ARHGAP42: variants seen among roughly 807,000 people sequenced by gnomAD.
ARHGAP42 encodes the protein rho GTPase-activating protein 42.
A neutral mutation model predicts 125.0 loss-of-function variants in ARHGAP42; 63 were observed. The ratio of observed to expected loss-of-function variants is 0.50; its 90% CI spans 0.41 to 0.62. The LOEUF is 0.62. Ranked by LOEUF, ARHGAP42 falls within the 20% of genes least tolerant of loss-of-function variation. ARHGAP42 has a pLI of 0.00. For missense variants in ARHGAP42, 766 were observed against 1,024.2 expected (o/e 0.75, Z 3.44); for synonymous variants, 339 against 351.0 (o/e 0.97, Z 0.38).
intron 10 of ARHGAP42, among the ~76,000 whole-genome samples, chr11:100,947,715 C>T (rs999911368): frequency 6.6e-6 from 1 of 151,724 alleles, no homozygotes; most frequent in Non-Finnish European, 1.5e-5. Context: ...TTTGTCATTC[C>T]AGGTTTTTAA....
At chr11:100,949,999 A>T in intron 12 of ARHGAP42, 43 bp downstream of exon 12, 1 of 1,195,090 alleles carries the variant, frequency 8.4e-7, no homozygotes, top group Non-Finnish European at 1.2e-6. Flanking sequence ...TCATGAAGTT[A>T]TTTTTAACAC....
intron 4 of ARHGAP42, among the ~76,000 whole-genome samples, chr11:100,864,832 A>C (rs1036031453): frequency 6.6e-6 from 1 of 152,204 alleles, no homozygotes; most frequent in African/African-American, 2.4e-5. Context: ...CCTTGAACCA[A>C]GCATAGTTAA....
In ARHGAP42 at chr11:100,993,460, G is replaced by A. The variant is rs1161177403; in HGVS notation, c.*4659G>A. The A allele has an allele frequency of 6.0e-6, 1 of 166,948 alleles. No homozygotes were observed. Among genetic ancestry groups the A allele is most frequent in the Non-Finnish European group, 1.5e-5 (1 of 68,102 alleles). The allele number at this position is 166,948 out of a possible 1,614,324, so 10.3% of individuals were successfully genotyped here. A position where few individuals can be genotyped will look rare whatever the true frequency, so the allele number is the denominator to read the frequency against. ...CCACAGGAACTGGTCTAAGAACACTGTCTGCACATGATTGATGCTTAAAAT... is the reference window on the plus strand; with the variant it reads ...CCACAGGAACTGGTCTAAGAACACTATCTGCACATGATTGATGCTTAAAAT... On this transcript the variant is annotated 3_prime_UTR_variant, in exon 24 of 24. Coordinates refer to ENST00000298815, the MANE Select transcript of ARHGAP42 (RefSeq NM_152432.4).
intron 1 of ARHGAP42, among the ~76,000 whole-genome samples, chr11:100,751,277 G>GCTTTTTTTTTTT (rs1862446866): frequency 8.2e-6 from 1 of 121,624 alleles, no homozygotes; most frequent in Non-Finnish European, 1.7e-5. Context: ...GTGTGTGTGT[G>GCTTTTTTTTTTT]TGTTTTTTTT....
chr11:100,789,504 A>G lies in ARHGAP42; in HGVS notation c.251-5601A>G, dbSNP rs566780263. Among the ~76,000 whole-genome samples the G allele has an allele frequency of 9.2e-5, 14 of 152,304 alleles. No homozygotes were observed. The South Asian group carries it at 1.5e-3, about 16-fold the overall frequency. ...TGGGCATGAGTGAGCTGTGGGTGCAAGCAAGCCATGGGTGCAGTCAAGCCA... is the reference window on the plus strand; with the variant it reads ...TGGGCATGAGTGAGCTGTGGGTGCAGGCAAGCCATGGGTGCAGTCAAGCCA... On this transcript the variant is annotated intron_variant, in intron 2 of 23. Transcript: ENST00000298815.
At chr11:100,900,909 C>G (rs1173527249) in intron 4 of ARHGAP42, among the ~76,000 whole-genome samples, 1 of 152,180 alleles carries the variant, frequency 6.6e-6, no homozygotes, top group Non-Finnish European at 1.5e-5. Flanking sequence ...CAAAATCATT[C>G]TCTGTCCAGC....
chr11:100,736,914 G>T (rs1862080098), intron 1 of ARHGAP42, among the ~76,000 whole-genome samples: 1 of 152,126 alleles, frequency 6.6e-6, no homozygotes, highest in African/African-American at 2.4e-5. Context: ...AAACACCAGG[G>T]ATAGAAGAAC....
At chr11:100,843,397 C>G (rs1253989465) in intron 3 of ARHGAP42, among the ~76,000 whole-genome samples, 2 of 151,936 alleles carry the variant, frequency 1.3e-5, no homozygotes, top group Admixed American at 6.6e-5. Flanking sequence ...TCTACCAAGA[C>G]AAGGATGCTC....
At chr11:100,780,181 A>G (rs1188805177) in intron 2 of ARHGAP42, among the ~76,000 whole-genome samples, 1 of 152,118 alleles carries the variant, frequency 6.6e-6, no homozygotes, top group East Asian at 1.9e-4. Flanking sequence ...AGGTGGTCCA[A>G]ATTTTGCTCT....
At chr11:100,834,410 C>T (rs1864733264) in intron 3 of ARHGAP42, among the ~76,000 whole-genome samples, 2 of 152,042 alleles carry the variant, frequency 1.3e-5, no homozygotes, top group Admixed American at 6.6e-5. Flanking sequence ...GTAAATTAGA[C>T]TTATAGAGGT....
At chr11:100,784,088 G>T (rs1863376840) in intron 2 of ARHGAP42, among the ~76,000 whole-genome samples, 1 of 152,178 alleles carries the variant, frequency 6.6e-6, no homozygotes, top group African/African-American at 2.4e-5. Flanking sequence ...AATAGAGGAG[G>T]TTATTTGAAC....
intron 22 of ARHGAP42, among the ~76,000 whole-genome samples, chr11:100,985,152 A>G (rs1858643191): frequency 1.3e-5 from 2 of 152,338 alleles, no homozygotes; most frequent in Admixed American, 6.5e-5. Context: ...AGGAGAACAT[A>G]TATGTCTAAA....
At chr11:100,957,511 T>C (rs2135294250) in intron 12 of ARHGAP42, among the ~76,000 whole-genome samples, 1 of 152,164 alleles carries the variant, frequency 6.6e-6, no homozygotes, top group Admixed American at 6.6e-5. Flanking sequence ...TGGCCTTAGG[T>C]TTTCCTGGCT....
intron 1 of ARHGAP42, among the ~76,000 whole-genome samples, chr11:100,695,825 C>T (rs763947808): frequency 3.3e-5 from 5 of 152,116 alleles, no homozygotes; most frequent in Non-Finnish European, 5.9e-5. Flanking sequence ...TTTTTGCAGA[C>T]ATGGGAACAC....
At chr11:100,750,988 G>T (rs1862436985) in intron 1 of ARHGAP42, among the ~76,000 whole-genome samples, 1 of 149,096 alleles carries the variant, frequency 6.7e-6, no homozygotes, top group Non-Finnish European at 1.5e-5. Flanking sequence ...ACCCAGGCTG[G>T]AGTGCAATGG....
At chr11:100,933,995 C>T (rs918672787) in intron 7 of ARHGAP42, among the ~76,000 whole-genome samples, 1 of 152,142 alleles carries the variant, frequency 6.6e-6, no homozygotes, top group African/African-American at 2.4e-5. Context: ...CCATGTTGGT[C>T]AGGCTGGTCT....
At chr11:100,761,652 C>A (rs1862701823) in intron 1 of ARHGAP42, among the ~76,000 whole-genome samples, 1 of 152,176 alleles carries the variant, frequency 6.6e-6, no homozygotes, top group Non-Finnish European at 1.5e-5. Context: ...GGATTACAAA[C>A]TGTTTGGTCT....
At chr11:100,974,256 C>CCCAA (rs1354161164) in intron 18 of ARHGAP42, among the ~76,000 whole-genome samples, 6 of 152,046 alleles carry the variant, frequency 3.9e-5, no homozygotes, top group Admixed American at 3.9e-4. Flanking sequence ...GAAAGATCTT[C>CCCAA]TAGATTTTAC....
At chr11:100,845,785 A>G (rs922796308) in intron 3 of ARHGAP42, among the ~76,000 whole-genome samples, 3 of 152,114 alleles carry the variant, frequency 2.0e-5, no homozygotes, top group African/African-American at 7.2e-5. Context: ...GTAATTTTGT[A>G]CCTTAGTAAT....
Sources: allele counts gnomAD v4.1 joint callset (sites outside exome capture counted in the v4.1 genomes callset), GRCh38; gene constraint gnomAD v4.1.1; transcripts MANE v1.5; gene names NCBI Gene and HGNC (gene_info 2026-07-23, HGNC 2026-07-21).